PTPRN2: variants seen among roughly 807,000 people sequenced by gnomAD.
The protein encoded by PTPRN2 is protein tyrosine phosphatase receptor type N2, also known as receptor-type tyrosine-protein phosphatase N2.
A neutral mutation model predicts 118.8 loss-of-function variants in PTPRN2; 74 were observed. The ratio of observed to expected loss-of-function variants is 0.62; its 90% confidence interval spans 0.52 to 0.76. The LOEUF (loss-of-function observed/expected upper bound fraction) is 0.76. Among genes scored for constraint, PTPRN2 ranks in the 30% least tolerant of loss-of-function variants. The pLI is 0.00. For synonymous variants in PTPRN2, 641 were observed against 608.0 expected (o/e 1.05, Z -0.80); for missense variants, 1,481 against 1,394.4 (o/e 1.06, Z -0.99).
chr7:157,564,345 C>A (rs1799377111), intron 21 of PTPRN2, among the ~76,000 whole-genome samples: 1 of 152,202 alleles, frequency 6.6e-6, no homozygotes, highest in Non-Finnish European at 1.5e-5. Context: ...TCTCGAACTC[C>A]TGACCTCAGG....
rs140833435 is a variant in PTPRN2, at chr7:157,736,854, C to T, written c.1789-53917G>A. Among the ~76,000 whole-genome samples the T allele has an allele frequency of 5.8e-4, 89 of 152,244 alleles. 1 individual carries two copies. The East Asian group carries it at 0.015, about 25-fold the overall frequency. On this transcript the variant is annotated intron_variant, in intron 12 of 22. Transcript: ENST00000389418. ...GAGGAGGTACAATCCCACCAGTGCC[C>T]GGCTGGACACATATTGGTTTTGGAG...
chr7:157,594,046 C>T (rs914849902), intron 17 of PTPRN2, among the ~76,000 whole-genome samples: 2 of 152,210 alleles, frequency 1.3e-5, no homozygotes, highest in African/African-American at 2.4e-5. Context: ...TAAGTGATGC[C>T]ATCTCTCCAA....
chr7:157,756,363 C>T (rs927809173), intron 12 of PTPRN2, among the ~76,000 whole-genome samples: 16 of 151,464 alleles, frequency 1.1e-4, no homozygotes, highest in East Asian at 3.9e-4. Flanking sequence ...GGCGCGATCT[C>T]GGCTCACTGC....
chr7:158,150,697 G>A (rs901402512), intron 6 of PTPRN2, among the ~76,000 whole-genome samples: 7 of 152,028 alleles, frequency 4.6e-5, no homozygotes, highest in Admixed American at 4.6e-4. Flanking sequence ...CTGTCATGCA[G>A]AGGGAAGAAT....
At chr7:158,286,298 AG>A (rs1464718238) in intron 3 of PTPRN2, among the ~76,000 whole-genome samples, 1 of 152,228 alleles carries the variant, frequency 6.6e-6, no homozygotes, top group Non-Finnish European at 1.5e-5. Flanking sequence ...ATCTGCAAAC[AG>A]GGACAATTTT....
chr7:158,168,570 A>G (rs1270720408), intron 5 of PTPRN2, among the ~76,000 whole-genome samples: 1 of 152,160 alleles, frequency 6.6e-6, no homozygotes, highest in East Asian at 1.9e-4. Context: ...CTTCACTCCA[A>G]CTTCTTTACT....
Position 157,808,786 on chromosome 7 carries a change from G to A in PTPRN2, c.1788+89887C>T, listed in dbSNP as rs554289043. On this transcript the variant is annotated intron_variant, in intron 12 of 22. Coordinates refer to ENST00000389418, the MANE Select transcript of PTPRN2 (RefSeq NM_002847.5). This position sits in a 1 kb window ranked among gnomAD's most constrained non-coding sequence, Gnocchi z 5.0. ...CCTGGTGCCAAAAAGAGTATGGACC[G>A]CTGTCCTGGACAAACCCTGGGCCTG... is the stretch of plus-strand genomic sequence containing the variant. 8.5e-5 allele frequency among the ~76,000 whole-genome samples: 13 copies of A among 152,288 alleles called. No homozygotes were observed. The East Asian group carries it at 1.2e-3, about 14-fold the overall frequency.
chr7:158,257,082 G>A (rs1797067184), intron 3 of PTPRN2, among the ~76,000 whole-genome samples: 1 of 152,130 alleles, frequency 6.6e-6, no homozygotes, highest in Non-Finnish European at 1.5e-5. Context: ...CTTTCCCTGG[G>A]ATCTGGGTTG....
Position 158,019,078 on chromosome 7 carries a change from T to C in PTPRN2, c.1723+62220A>G, listed in dbSNP as rs536065706. Among the ~76,000 whole-genome samples, 7 of 151,354 alleles carry C rather than the reference T, an allele frequency of 4.6e-5. No individual in the cohort carries two copies. In the East Asian group the frequency reaches 1.2e-3, roughly 25 times the overall value. Reference sequence around the variant, plus strand: ...CACTCTAACGTGACCCACGCTAGCATGAGATACCGTGTAACTGTACTGGGT... The same window carrying C: ...CACTCTAACGTGACCCACGCTAGCACGAGATACCGTGTAACTGTACTGGGT... On this transcript the variant is annotated intron_variant, in intron 11 of 22. Transcript: ENST00000389418.
intron 2 of PTPRN2, among the ~76,000 whole-genome samples, chr7:158,373,692 C>A (rs1810277643): frequency 6.6e-6 from 1 of 152,176 alleles, no homozygotes; most frequent in South Asian, 2.1e-4. Flanking sequence ...TGCAGTGCGG[C>A]CAGTTCCCAC....
chr7:157,952,830 T>C lies in PTPRN2; in HGVS notation c.1724-54093A>G, dbSNP rs150956498. Among the ~76,000 whole-genome samples the C allele has an allele frequency of 2.7e-3, 408 of 152,240 alleles. 1 individual carries two copies. Among genetic ancestry groups the C allele is most frequent in the Middle Eastern group, 6.8e-3 (2 of 294 alleles). On this transcript the variant is annotated intron_variant, in intron 11 of 22. Coordinates refer to ENST00000389418, the MANE Select transcript of PTPRN2 (RefSeq NM_002847.5). ...CACCGAATGCTCTGAACACACTTGC[T>C]TGCTTTCAGGTGGAAACATTCACAG...
Position 158,431,396 on chromosome 7 carries a change from G to A in PTPRN2, c.163+58339C>T, listed in dbSNP as rs75348711. Among the ~76,000 whole-genome samples the A allele has an allele frequency of 7.6e-4, 110 of 144,190 alleles. No homozygotes were observed. The East Asian group carries it at 0.015, about 20-fold the overall frequency. The allele number at this position is 144,190 out of a possible 152,430, so 94.6% of individuals were successfully genotyped here. A position where few individuals can be genotyped will look rare whatever the true frequency, so the allele number is the denominator to read the frequency against. Reference sequence around the variant, plus strand: ...CACACCAGGCACACTGGCTCACCTCGAGCACACAATGGCTCACACTGGGCA... The same window carrying A: ...CACACCAGGCACACTGGCTCACCTCAAGCACACAATGGCTCACACTGGGCA... On this transcript the variant is annotated intron_variant, in intron 2 of 22. Transcript: ENST00000389418.
At chr7:158,006,726 C>A (rs1308578899) in intron 11 of PTPRN2, among the ~76,000 whole-genome samples, 1 of 152,190 alleles carries the variant, frequency 6.6e-6, no homozygotes, top group Non-Finnish European at 1.5e-5. Flanking sequence ...GAAGGTAGGC[C>A]CAGGGTCCCT....
chr7:158,584,235 A>C (rs1363026204), intron 1 of PTPRN2, among the ~76,000 whole-genome samples: 1 of 152,110 alleles, frequency 6.6e-6, no homozygotes, highest in Non-Finnish European at 1.5e-5. Flanking sequence ...CCTTTATAAA[A>C]CTGCCCCCCT....
intron 12 of PTPRN2, among the ~76,000 whole-genome samples, chr7:157,884,142 AG>A (rs1796327986): frequency 6.6e-6 from 1 of 152,150 alleles, no homozygotes; most frequent in African/African-American, 2.4e-5. Flanking sequence ...TGACTGTCAG[AG>A]AACAGAACAT....
At chr7:158,108,291 A>G (rs1815854511) in intron 10 of PTPRN2, among the ~76,000 whole-genome samples, 1 of 151,048 alleles carries the variant, frequency 6.6e-6, no homozygotes, top group Admixed American at 6.6e-5. Context: ...TCCCATTGCC[A>G]CCACACCCGC....
At chr7:157,798,852 AC>A in intron 12 of PTPRN2, among the ~76,000 whole-genome samples, 1 of 152,218 alleles carries the variant, frequency 6.6e-6, no homozygotes, top group Middle Eastern at 3.4e-3. Context: ...TGGGCGTCCC[AC>A]CGGCTCCTCA....
In PTPRN2 at chr7:157,898,710, G is replaced by C; in HGVS notation, c.1751C>G (p.Thr584Ser). 1 of 1,608,238 alleles carries C rather than the reference G, an allele frequency of 6.2e-7. No homozygotes were observed. The highest frequency in any genetic ancestry group is 8.5e-7 in the Non-Finnish European group (1 of 1,174,564). The change falls in exon 12 of 23, where the codon ACC becomes AGC. Residue 584 changes from threonine (T) to serine (S), a missense_variant. Coordinates refer to ENST00000389418, the MANE Select transcript of PTPRN2 (RefSeq NM_002847.5). Reference sequence around the variant, plus strand: ...GGTTTGAAGAATTTTCAGTCCAGAGGTTTCCTCCAGTTTGTCTTTGTTGTC... The same window carrying C: ...GGTTTGAAGAATTTTCAGTCCAGAGCTTTCCTCCAGTTTGTCTTTGTTGTC... ...TVDNKDKLEE[T>S]SGLKILQTGV...
chr7:158,332,660 G>C (rs1396791980), intron 2 of PTPRN2, among the ~76,000 whole-genome samples: 3 of 145,394 alleles, frequency 2.1e-5, no homozygotes, highest in African/African-American at 8.0e-5. Context: ...GCTGATGCCT[G>C]CAGACATCAC....
Sources: gnomAD v4.1 joint callset for allele counts (sites outside exome capture counted in the v4.1 genomes callset) on GRCh38, gnomAD v4.1.1 for gene constraint, Gnocchi (gnomAD v3.1) non-coding constraint, MANE v1.5 for transcripts, NCBI Gene and HGNC (gene_info 2026-07-23, HGNC 2026-07-21) for gene names.